AGBL1: variants seen among roughly 807,000 people sequenced by gnomAD.
AGBL1 encodes cytosolic carboxypeptidase 4.
A neutral mutation model predicts 118.9 loss-of-function variants in AGBL1; 130 were observed. That is an observed-to-expected ratio of 1.09 (90% CI 0.95 to 1.26). The LOEUF is 1.26. Ranked by LOEUF, AGBL1 falls within the 50% of genes most tolerant of loss-of-function variation. AGBL1 has a pLI of 0.00. For synonymous variants in AGBL1, 555 were observed against 478.9 expected (o/e 1.16, Z -2.08); for missense variants, 1,584 against 1,298.1 (o/e 1.22, Z -3.38).
chr15:86,523,062 T>G (rs370554425), intron 19 of AGBL1, 123 bp downstream of exon 19: 2 of 1,192,068 alleles, frequency 1.7e-6, no homozygotes, highest in Non-Finnish European at 1.2e-6. Context: ...CAAGATAGAA[T>G]GGAGGATGCA....
At chr15:86,157,158 C>T (rs933648554) in intron 4 of AGBL1, among the ~76,000 whole-genome samples, 4 of 152,156 alleles carry the variant, frequency 2.6e-5, no homozygotes, top group Non-Finnish European at 5.9e-5. Flanking sequence ...GAAGGTATTT[C>T]TGGGGGAATA....
At chr15:86,506,612 T>A (rs571427853) in intron 18 of AGBL1, among the ~76,000 whole-genome samples, 1 of 152,166 alleles carries the variant, frequency 6.6e-6, no homozygotes, top group Non-Finnish European at 1.5e-5. Context: ...CATCACTAAT[T>A]GGATTCCACT....
intron 17 of AGBL1, among the ~76,000 whole-genome samples, chr15:86,395,700 A>G (rs1476134304): frequency 8.0e-6 from 1 of 125,088 alleles, no homozygotes; most frequent in Non-Finnish European, 1.8e-5. Context: ...GTAAAAATGC[A>G]CTGATCTACA....
chr15:86,925,143 A>AGAGGAGGAGGAGGAGGAGGAG (rs1176964792), intron 23 of AGBL1, among the ~76,000 whole-genome samples: 34 of 80,564 alleles, frequency 4.2e-4, no homozygotes, highest in African/African-American at 9.0e-4. Flanking sequence ...AGGAAGAGGA[A>AGAGGAGGAGGAGGAGGAGGAG]GAGGAGGAGG....
chr15:86,798,447 G>T (rs1336020198), intron 22 of AGBL1, among the ~76,000 whole-genome samples: 1 of 151,978 alleles, frequency 6.6e-6, no homozygotes, highest in African/African-American at 2.4e-5. Context: ...TATGTTAAGA[G>T]TACCCTCAAT....
intron 16 of AGBL1, among the ~76,000 whole-genome samples, chr15:86,288,502 T>A (rs918385954): frequency 2.0e-5 from 3 of 152,136 alleles, no homozygotes; most frequent in Non-Finnish European, 4.4e-5. Context: ...TATTCTCTAG[T>A]GGTTATTTTA....
chr15:86,916,522 G>A (rs2080426135), downstream of AGBL1, among the ~76,000 whole-genome samples: 1 of 152,098 alleles, frequency 6.6e-6, no homozygotes, highest in African/African-American at 2.4e-5. Flanking sequence ...CACCTATTGT[G>A]TAATTTAGGA....
At chr15:86,465,935 C>A (rs2082399874) in intron 18 of AGBL1, among the ~76,000 whole-genome samples, 1 of 152,122 alleles carries the variant, frequency 6.6e-6, no homozygotes, top group Non-Finnish European at 1.5e-5. Flanking sequence ...TTTGTACACC[C>A]CTCCCCTTTT....
chr15:86,438,442 T>C (rs890236674), intron 18 of AGBL1, among the ~76,000 whole-genome samples: 2 of 152,162 alleles, frequency 1.3e-5, no homozygotes, highest in Non-Finnish European at 2.9e-5. Flanking sequence ...ATTCGCTTTA[T>C]CAGAAATGAC....
At chr15:87,029,217 A>C (rs1052447194), downstream of AGBL1, among the ~76,000 whole-genome samples, 5 of 151,932 alleles carry the variant, frequency 3.3e-5, no homozygotes, top group Admixed American at 3.3e-4. Flanking sequence ...CCATATTTGA[A>C]ATAGTGCCTC....
intron 7 of AGBL1, among the ~76,000 whole-genome samples, chr15:86,256,639 C>T (rs112922357): frequency 4.6e-5 from 7 of 152,334 alleles, no homozygotes; most frequent in South Asian, 2.1e-4. Flanking sequence ...CAGAAAAGTG[C>T]AGATTCTACA....
chr15:86,390,660 A>ATTTTTTTTTTTTTTTTTTTTT (rs756052402), intron 17 of AGBL1, among the ~76,000 whole-genome samples: 9 of 75,472 alleles, frequency 1.2e-4, no homozygotes, highest in Non-Finnish European at 2.1e-4. Flanking sequence ...ATACTGTATG[A>ATTTTTTTTTTTTTTTTTTTTT]TTTTTTTTTT....
intron 24 of AGBL1, among the ~76,000 whole-genome samples, chr15:87,004,940 T>C (rs1357181203): frequency 4.6e-5 from 7 of 152,152 alleles, no homozygotes; most frequent in Non-Finnish European, 1.0e-4. Flanking sequence ...ATTTCTCCTT[T>C]ACTTATGAAG....
intron 17 of AGBL1, among the ~76,000 whole-genome samples, chr15:86,357,825 C>T (rs549152220): frequency 2.5e-4 from 38 of 152,142 alleles, no homozygotes; most frequent in African/African-American, 9.2e-4. Flanking sequence ...TTTCTGCTTC[C>T]CCAATTCATG....
chr15:86,593,085 G>A (rs2084360213), intron 21 of AGBL1, among the ~76,000 whole-genome samples: 1 of 152,110 alleles, frequency 6.6e-6, no homozygotes, highest in African/African-American at 2.4e-5. Context: ...TCATCAATGG[G>A]TTATAGTCTA....
intron 21 of AGBL1, among the ~76,000 whole-genome samples, chr15:86,628,762 C>T (rs1296787602): frequency 1.3e-5 from 2 of 151,980 alleles, no homozygotes; most frequent in Non-Finnish European, 2.9e-5. Flanking sequence ...CACCACTGAA[C>T]TCCAGCCTGG....
intron 24 of AGBL1, among the ~76,000 whole-genome samples, chr15:87,016,552 T>C (rs900489477): frequency 6.6e-6 from 1 of 152,176 alleles, no homozygotes; most frequent in Admixed American, 6.5e-5. Context: ...TGGGCCAAGA[T>C]GGCCAATTAA....
chr15:86,402,970 G>A lies in AGBL1; in HGVS notation c.2555+5424G>A, dbSNP rs139788230. 2.0e-3 allele frequency among the ~76,000 whole-genome samples: 302 copies of A among 152,314 alleles called. 3 individuals are homozygous for A. The highest frequency in any genetic ancestry group is 3.8e-3 in the Non-Finnish European group (261 of 68,028). On this transcript the variant is annotated intron_variant, in intron 18 of 22. Transcript: ENST00000614907. Reference sequence around the variant, plus strand: ...ATTGGGCTGAGTTCTAAGTAAATCAGGAGGACTGATCCAGCGGTTTCTTGA... The same window carrying A: ...ATTGGGCTGAGTTCTAAGTAAATCAAGAGGACTGATCCAGCGGTTTCTTGA...
At chr15:86,614,248 G>T (rs1056037982) in intron 21 of AGBL1, among the ~76,000 whole-genome samples, 1 of 152,090 alleles carries the variant, frequency 6.6e-6, no homozygotes, top group Non-Finnish European at 1.5e-5. Context: ...TGACCCTGGG[G>T]CTCTTGCCTT....
Sources: allele counts gnomAD v4.1 joint callset (sites outside exome capture counted in the v4.1 genomes callset), GRCh38; gene constraint gnomAD v4.1.1; transcripts MANE v1.5; gene names NCBI Gene and HGNC (gene_info 2026-07-23, HGNC 2026-07-21).